KALRN: variants seen among roughly 807,000 people sequenced by gnomAD.
KALRN encodes the protein kalirin.
In KALRN, 70 loss-of-function variants were observed where a neutral mutation model predicts 353.7. The ratio of observed to expected loss-of-function variants is 0.20; its 90% CI spans 0.16 to 0.24. The LOEUF is 0.24. KALRN is among the 10% of genes least tolerant of loss of function. The pLI, the probability that KALRN is intolerant of heterozygous loss-of-function variation, is 1.00. For synonymous variants in KALRN, 1,391 were observed against 1,434.8 expected (o/e 0.97, Z 0.69); for missense variants, 2,791 against 3,756.7 (o/e 0.74, Z 6.72).
intron 13 of KALRN, among the ~76,000 whole-genome samples, chr3:124,405,637 G>A (rs932338386): frequency 3.0e-5 from 4 of 133,470 alleles, no homozygotes; most frequent in Middle Eastern, 3.8e-3. Flanking sequence ...AGGACCTCAG[G>A]GTTTTTTTTT....
intron 33 of KALRN, among the ~76,000 whole-genome samples, chr3:124,511,826 A>G (rs1049045378): frequency 5.3e-5 from 8 of 152,232 alleles, no homozygotes; most frequent in Admixed American, 3.3e-4. Context: ...ACCTCAGGAA[A>G]GTATTCCTGG....
At chr3:124,314,165 C>T (rs1188680059) in intron 6 of KALRN, among the ~76,000 whole-genome samples, 3 of 151,860 alleles carry the variant, frequency 2.0e-5, no homozygotes, top group Admixed American at 6.6e-5. Context: ...GAATACTAGG[C>T]GGCCATAAAA....
At chr3:124,442,110 C>A (rs561015944) in intron 19 of KALRN, 51 bp downstream of exon 19, 2 of 1,105,218 alleles carry the variant, frequency 1.8e-6, no homozygotes, top group Non-Finnish European at 2.6e-6. Context: ...CAGCCCCTCC[C>A]TGAAATATAC....
chr3:124,092,501 C>T (rs1470938604), intron 1 of KALRN, among the ~76,000 whole-genome samples: 1 of 152,200 alleles, frequency 6.6e-6, no homozygotes, highest in East Asian at 1.9e-4. Context: ...AATAAGTGGC[C>T]ACATTTGGAC....
At chr3:124,094,499 G>T (rs980107986) in intron 1 of KALRN, among the ~76,000 whole-genome samples, 3 of 152,242 alleles carry the variant, frequency 2.0e-5, no homozygotes, top group Non-Finnish European at 4.4e-5. Flanking sequence ...ACATGGACTT[G>T]ACTGTGGATT....
chr3:124,514,223 A>C (rs1174206162), intron 33 of KALRN, among the ~76,000 whole-genome samples: 1 of 152,202 alleles, frequency 6.6e-6, no homozygotes, highest in African/African-American at 2.4e-5. Context: ...CAGTTAATAT[A>C]GTATTCACAG....
At chr3:124,694,640 C>A in intron 53 of KALRN, 137 bp downstream of exon 53, 2 of 815,406 alleles carry the variant, frequency 2.5e-6, no homozygotes, top group Non-Finnish European at 3.8e-6. Context: ...TGTTCTTGGG[C>A]AAACACTTGG....
chr3:124,465,497 C>A (rs547926167), intron 25 of KALRN, among the ~76,000 whole-genome samples: 1 of 152,130 alleles, frequency 6.6e-6, no homozygotes, highest in Admixed American at 6.5e-5. Flanking sequence ...CAGAGAAAAC[C>A]ATTAGGTATG....
At chr3:124,174,304 T>C (rs2072339448) in intron 1 of KALRN, among the ~76,000 whole-genome samples, 1 of 152,020 alleles carries the variant, frequency 6.6e-6, no homozygotes, top group Admixed American at 6.6e-5. Context: ...CCTGGTGGTG[T>C]GTGCCTGTAG....
At chr3:124,176,792 T>A (rs971602293) in intron 1 of KALRN, among the ~76,000 whole-genome samples, 4 of 152,350 alleles carry the variant, frequency 2.6e-5, no homozygotes, top group African/African-American at 9.6e-5. Flanking sequence ...ATGTATTTTC[T>A]AACTGTAGAT....
intron 29 of KALRN, among the ~76,000 whole-genome samples, chr3:124,489,222 G>T (rs1344206030): frequency 6.6e-6 from 1 of 152,054 alleles, no homozygotes; most frequent in South Asian, 2.1e-4. Context: ...TGTGAGAATC[G>T]CTTGAACCCA....
intron 6 of KALRN, among the ~76,000 whole-genome samples, chr3:124,311,072 T>C: frequency 8.3e-6 from 1 of 119,970 alleles, no homozygotes; most frequent in South Asian, 3.2e-4. Context: ...TTCTTTTTTT[T>C]TTTTTTTTTT....
At chr3:124,412,397 C>T (rs1315106464) in intron 13 of KALRN, among the ~76,000 whole-genome samples, 2 of 152,202 alleles carry the variant, frequency 1.3e-5, no homozygotes, top group Non-Finnish European at 2.9e-5. Context: ...CTTTCGTCTC[C>T]TGAGAAAAGA....
chr3:124,144,487 C>G (rs946616338), intron 1 of KALRN, among the ~76,000 whole-genome samples: 4 of 152,080 alleles, frequency 2.6e-5, no homozygotes, highest in Admixed American at 2.6e-4. Context: ...TCACCATCAT[C>G]CTCGTCCTCC....
chr3:124,042,894 A>G (rs1295588062), intron 1 of KALRN, among the ~76,000 whole-genome samples: 1 of 152,210 alleles, frequency 6.6e-6, no homozygotes, highest in Non-Finnish European at 1.5e-5. Flanking sequence ...GGCTGGAGCT[A>G]TCAAAATAGA....
intron 5 of KALRN, among the ~76,000 whole-genome samples, chr3:124,294,870 A>G (rs2149178642): frequency 6.6e-6 from 1 of 152,328 alleles, no homozygotes; most frequent in Middle Eastern, 3.4e-3. Context: ...ATTATAAACC[A>G]GGATGCTTGC....
At chr3:124,082,370 G>A in intron 1 of KALRN, 1 of 466,372 alleles carries the variant, frequency 2.1e-6, no homozygotes, top group Middle Eastern at 3.6e-4. Context: ...TTCCTTCAAT[G>A]GGCCTGAGCT....
At chr3:124,600,255 A>G (rs866093080) in intron 34 of KALRN, among the ~76,000 whole-genome samples, 1 of 152,250 alleles carries the variant, frequency 6.6e-6, no homozygotes, top group Non-Finnish European at 1.5e-5. Context: ...TCATTGTAAC[A>G]TACCAATGGC....
intron 2 of KALRN, among the ~76,000 whole-genome samples, chr3:124,232,924 T>C (rs2079336770): frequency 6.6e-6 from 1 of 151,772 alleles, no homozygotes; most frequent in African/African-American, 2.4e-5. Flanking sequence ...CTGAGCATAG[T>C]GTCCATTAGT....
Sources: gnomAD v4.1 joint callset for allele counts (sites outside exome capture counted in the v4.1 genomes callset) on GRCh38, gnomAD v4.1.1 for gene constraint, MANE v1.5 for transcripts, NCBI Gene and HGNC (gene_info 2026-07-23, HGNC 2026-07-21) for gene names.